Variants in PSMA6 observed in about 807,000 individuals in gnomAD.
PSMA6 encodes the protein proteasome subunit alpha type-6.
For synonymous variants in PSMA6, 88 were observed against 97.7 expected, an observed-to-expected ratio of 0.90 and a Z score of 0.59; for missense variants, 170 against 294.8, an observed-to-expected ratio of 0.58 and a Z score of 3.10.
chr14:35,314,710 C>T, intron 6 of PSMA6: 3 of 257,344 alleles, frequency 1.2e-5, no homozygotes, highest in Non-Finnish European at 1.4e-5. Context: ...AGTTACCTTC[C>T]TTATGTAAGG....
At position 35,310,790 on chromosome 14, in the gene PSMA6, A is replaced by G; in HGVS notation, c.304A>G (p.Lys102Glu). ...QRARYEAANW[K>E]YKYGYEIPVD... ...GGCACGCTATGAGGCAGCTAACTGG[A>G]AATACAAGTATGGCTATGAGATTCC... is the stretch of plus-strand genomic sequence containing the variant. The change falls in exon 4 of 7, where the codon AAA becomes GAA. Residue 102 changes from lysine (K) to glutamate (E), a missense_variant. Transcript: ENST00000261479. 1 of 1,612,940 alleles carries G rather than the reference A, an allele frequency of 6.2e-7. No individual in the cohort carries two copies. The highest frequency in any genetic ancestry group is 1.1e-5 in the South Asian group (1 of 91,030).
At chr14:35,305,425 T>G (rs1455495237) in intron 1 of PSMA6, among the ~76,000 whole-genome samples, 1 of 152,228 alleles carries the variant, frequency 6.6e-6, no homozygotes, top group African/African-American at 2.4e-5. Flanking sequence ...TGTGAGCCAC[T>G]GCACCCAGCT....
upstream of PSMA6, among the ~76,000 whole-genome samples, chr14:35,289,915 CAAAAAAAAAA>C (rs750610944): frequency 7.5e-5 from 6 of 79,618 alleles, no homozygotes; most frequent in East Asian, 1.4e-3. Context: ...TACCGCATTT[CAAAAAAAAAA>C]AAAAAAAAAA....
At chr14:35,314,200 G>T in intron 5 of PSMA6, 161 bp from the exon 6 acceptor site, 1 of 738,566 alleles carries the variant, frequency 1.4e-6, no homozygotes, top group Non-Finnish European at 1.8e-6. Context: ...TCTCATCATT[G>T]GGAGGCAATA....
intron 1 of PSMA6, among the ~76,000 whole-genome samples, chr14:35,302,041 A>AT (rs570260226): frequency 2.4e-4 from 36 of 148,708 alleles, no homozygotes; most frequent in South Asian, 6.4e-4. Flanking sequence ...TGTTACTAGA[A>AT]TTTTTTTTTT....
chr14:35,292,181 T>C (rs1452087025), upstream of PSMA6: 5 of 581,178 alleles, frequency 8.6e-6, no homozygotes, highest in African/African-American at 9.8e-5. Context: ...ATTCTCCAGA[T>C]GAAAGCCTGA....
intron 1 of PSMA6, among the ~76,000 whole-genome samples, chr14:35,301,292 G>A (rs1297243219): frequency 1.3e-5 from 2 of 152,092 alleles, no homozygotes; most frequent in Non-Finnish European, 2.9e-5. Flanking sequence ...ATCACTTGAG[G>A]TCAGGAGTTT....
upstream of PSMA6, chr14:35,278,567 G>A: frequency 1.2e-6 from 1 of 800,816 alleles, no homozygotes; most frequent in Non-Finnish European, 2.0e-6. Flanking sequence ...GAGAATGTCA[G>A]TATCCAATAG....
At chr14:35,287,175 G>A (rs1311911433) in intron 1 of PSMA6, among the ~76,000 whole-genome samples, 1 of 152,194 alleles carries the variant, frequency 6.6e-6, no homozygotes, top group Non-Finnish European at 1.5e-5. Flanking sequence ...AAGATACAGA[G>A]CCAGGTTCTT....
At chr14:35,292,590 G>C (rs377027915) in intron 1 of PSMA6, 38 bp downstream of exon 1, 1 of 1,608,340 alleles carries the variant, frequency 6.2e-7, no homozygotes, top group Non-Finnish European at 8.5e-7. Flanking sequence ...CACCTGAATT[G>C]CCCTGTCATG....
At chr14:35,288,806 A>G (rs1234908819), upstream of PSMA6, among the ~76,000 whole-genome samples, 1 of 152,162 alleles carries the variant, frequency 6.6e-6, no homozygotes, top group Non-Finnish European at 1.5e-5. Context: ...GCTGGCTCAC[A>G]CCTGTAATCT....
intron 5 of PSMA6, chr14:35,313,281 G>A (rs933757810): frequency 3.9e-5 from 17 of 434,510 alleles, no homozygotes; most frequent in African/African-American, 8.3e-5. Context: ...TCAACAAAAC[G>A]CATATAATAG....
intron 3 of PSMA6, 50 bp downstream of exon 3, chr14:35,309,045 G>T: frequency 7.6e-7 from 1 of 1,309,072 alleles, no homozygotes; most frequent in Non-Finnish European, 1.1e-6. Flanking sequence ...CAAGCCTTTT[G>T]TTATTTTCTT....
intron 3 of PSMA6, among the ~76,000 whole-genome samples, chr14:35,309,428 T>C (rs2051895595): frequency 6.6e-6 from 1 of 152,094 alleles, no homozygotes. Flanking sequence ...GGTGAGAGGA[T>C]TGTTTAAGAC....
chr14:35,311,829 G>A (rs752363158), intron 4 of PSMA6, among the ~76,000 whole-genome samples: 6 of 152,272 alleles, frequency 3.9e-5, no homozygotes, highest in Non-Finnish European at 7.4e-5. Context: ...ATGAAGATGG[G>A]CAGTGTAAAG....
chr14:35,294,626 T>C (rs1275539685), intron 1 of PSMA6, among the ~76,000 whole-genome samples: 1 of 152,224 alleles, frequency 6.6e-6, no homozygotes, highest in Non-Finnish European at 1.5e-5. Context: ...GCAATGTATG[T>C]AGAGTGCTTA....
At chr14:35,283,029 G>C (rs1242740932) in intron 1 of PSMA6, among the ~76,000 whole-genome samples, 1 of 151,936 alleles carries the variant, frequency 6.6e-6, no homozygotes. Flanking sequence ...TTTTTTAGTG[G>C]AGTCAGGGTT....
At chr14:35,282,095 A>G (rs942840550) in intron 1 of PSMA6, among the ~76,000 whole-genome samples, 1 of 152,202 alleles carries the variant, frequency 6.6e-6, no homozygotes, top group African/African-American at 2.4e-5. Flanking sequence ...TTTCTTTCCA[A>G]TTCCACATTT....
At chr14:35,282,945 C>T (rs897940903) in intron 1 of PSMA6, among the ~76,000 whole-genome samples, 2 of 151,880 alleles carry the variant, frequency 1.3e-5, no homozygotes, top group Admixed American at 6.5e-5. Flanking sequence ...TGGGCTCAAG[C>T]GGTTCTCCTG....
Sources: allele counts gnomAD v4.1 joint callset (sites outside exome capture counted in the v4.1 genomes callset), GRCh38; gene constraint gnomAD v4.1.1; transcripts MANE v1.5; gene names NCBI Gene and HGNC (gene_info 2026-07-23, HGNC 2026-07-21).